The following NRG1 variants were observed in gnomAD, a reference collection of about 807,000 sequenced individuals.
NRG1 encodes neuregulin 1, also known as pro-neuregulin-1, membrane-bound isoform.
Under a neutral mutation model 63.8 loss-of-function variants are expected in NRG1, and 18 were observed. The ratio of observed to expected loss-of-function variants is 0.28; its 90% CI spans 0.19 to 0.42. The LOEUF (loss-of-function observed/expected upper bound fraction) is 0.42, where lower values mean the gene tolerates loss of function less well. NRG1 is among the 10% of genes least tolerant of loss of function. The pLI is 1.00. For synonymous variants in NRG1, 302 were observed against 301.3 expected (o/e 1.00, Z -0.02); for missense variants, 762 against 814.7 (o/e 0.94, Z 0.79).
intron 1 of NRG1, among the ~76,000 whole-genome samples, chr8:32,383,828 G>A (rs1450276025): frequency 3.3e-5 from 5 of 152,250 alleles, no homozygotes; most frequent in African/African-American, 1.2e-4. Flanking sequence ...TTGCCAATTA[G>A]ATGACCTGGG....
chr8:32,375,604 C>T (rs1490846340), intron 1 of NRG1, among the ~76,000 whole-genome samples: 2 of 152,144 alleles, frequency 1.3e-5, no homozygotes, highest in East Asian at 3.9e-4. Context: ...GAAGGGAAGA[C>T]TTCCAGTTGC....
At chr8:32,558,579 G>A (rs1040265051) in intron 1 of NRG1, among the ~76,000 whole-genome samples, 3 of 152,124 alleles carry the variant, frequency 2.0e-5, no homozygotes, top group Non-Finnish European at 4.4e-5. Flanking sequence ...TGGGAGAGCC[G>A]CAAAGTGGCT....
upstream of NRG1, among the ~76,000 whole-genome samples, chr8:32,544,839 C>T (rs1186530305): frequency 6.6e-6 from 1 of 151,898 alleles, no homozygotes; most frequent in Non-Finnish European, 1.5e-5. Flanking sequence ...TCACTTAGTT[C>T]AGTAAATGCT....
chr8:32,101,895 T>G (rs1255335703), intron 1 of NRG1, among the ~76,000 whole-genome samples: 1 of 152,178 alleles, frequency 6.6e-6, no homozygotes, highest in Non-Finnish European at 1.5e-5. Context: ...TGTTGAGGCT[T>G]TCTTGTGATG....
intron 1 of NRG1, among the ~76,000 whole-genome samples, chr8:31,711,594 A>G (rs1811753798): frequency 1.3e-5 from 2 of 152,082 alleles, no homozygotes; most frequent in Admixed American, 1.3e-4. Context: ...TATTTCAAAG[A>G]CTTTTGGGGA....
At chr8:32,058,620 T>C (rs1823353949) in intron 1 of NRG1, among the ~76,000 whole-genome samples, 1 of 152,032 alleles carries the variant, frequency 6.6e-6, no homozygotes, top group South Asian at 2.1e-4. Flanking sequence ...GGTAGAGCAC[T>C]CAATAATTTC....
chr8:32,620,840 C>CA (rs138043265), intron 5 of NRG1, among the ~76,000 whole-genome samples: 2,032 of 150,384 alleles, frequency 0.014, 48 homozygotes, highest in African/African-American at 0.047. Flanking sequence ...TAAAAACAAA[C>CA]AAAAAAAGAA....
At chr8:31,991,052 T>A (rs1810974882) in intron 1 of NRG1, among the ~76,000 whole-genome samples, 1 of 152,082 alleles carries the variant, frequency 6.6e-6, no homozygotes, top group Non-Finnish European at 1.5e-5. Context: ...CAGTTATAAA[T>A]GTTAATAGCC....
At chr8:32,464,677 G>T (rs1401515639) in intron 1 of NRG1, among the ~76,000 whole-genome samples, 6 of 151,426 alleles carry the variant, frequency 4.0e-5, no homozygotes, top group South Asian at 2.1e-4. Context: ...GTTTTTTTTT[G>T]TTTGTTTGTT....
intron 5 of NRG1, among the ~76,000 whole-genome samples, chr8:32,692,593 T>C (rs1250930343): frequency 6.6e-6 from 1 of 152,194 alleles, no homozygotes; most frequent in Non-Finnish European, 1.5e-5. Flanking sequence ...TGTATTAAGT[T>C]AGATTAATAT....
At chr8:31,892,202 C>A (rs1831202102) in intron 1 of NRG1, among the ~76,000 whole-genome samples, 2 of 152,204 alleles carry the variant, frequency 1.3e-5, no homozygotes, top group South Asian at 2.1e-4. Flanking sequence ...AATGAAAAGT[C>A]TCATTTAAAA....
chr8:32,055,227 A>G (rs571749478), intron 1 of NRG1, among the ~76,000 whole-genome samples: 1 of 152,202 alleles, frequency 6.6e-6, no homozygotes, highest in East Asian at 1.9e-4. Flanking sequence ...ACATTTGAGG[A>G]TAAAGACATA....
intron 1 of NRG1, among the ~76,000 whole-genome samples, chr8:31,910,200 C>T (rs565303252): frequency 6.6e-6 from 1 of 152,192 alleles, no homozygotes; most frequent in African/African-American, 2.4e-5. Flanking sequence ...GGCTACAAGA[C>T]CAATCAGAAC....
chr8:31,967,330 A>G (rs1806519039), intron 1 of NRG1, among the ~76,000 whole-genome samples: 2 of 151,316 alleles, frequency 1.3e-5, no homozygotes, highest in African/African-American at 4.9e-5. Context: ...CATCTTTTTT[A>G]TTCTTTCTTG....
intron 1 of NRG1, among the ~76,000 whole-genome samples, chr8:32,560,387 T>TA (rs1836158943): frequency 6.6e-6 from 1 of 152,214 alleles, no homozygotes; most frequent in African/African-American, 2.4e-5. Context: ...CTCTAGAATG[T>TA]AAAAGCCACA....
intron 1 of NRG1, among the ~76,000 whole-genome samples, chr8:31,744,883 C>T (rs2131421059): frequency 6.6e-6 from 1 of 152,044 alleles, no homozygotes; most frequent in Non-Finnish European, 1.5e-5. Context: ...AGCTAGCTTT[C>T]TGGCAGTGTG....
chr8:31,854,590 GT>G (rs1293122249), intron 1 of NRG1, among the ~76,000 whole-genome samples: 1 of 151,974 alleles, frequency 6.6e-6, no homozygotes, highest in Non-Finnish European at 1.5e-5. Context: ...TTTTTGAAGG[GT>G]TTTTTGTGTC....
At chr8:31,808,903 G>A (rs1011035255) in intron 1 of NRG1, among the ~76,000 whole-genome samples, 14 of 151,970 alleles carry the variant, frequency 9.2e-5, no homozygotes, top group African/African-American at 3.4e-4. Flanking sequence ...TCTTTCTTGG[G>A]TAATTTTTTG....
At chr8:32,267,251 T>C (rs1187299676) in intron 1 of NRG1, among the ~76,000 whole-genome samples, 1 of 152,192 alleles carries the variant, frequency 6.6e-6, no homozygotes, top group African/African-American at 2.4e-5. Flanking sequence ...TGTAAAATGA[T>C]GTGTCCCAGA....
Sources: gnomAD v4.1 joint callset for allele counts (sites outside exome capture counted in the v4.1 genomes callset) on GRCh38, gnomAD v4.1.1 for gene constraint, MANE v1.5 for transcripts, NCBI Gene and HGNC (gene_info 2026-07-23, HGNC 2026-07-21) for gene names.